CPPED1: variants seen among roughly 807,000 people sequenced by gnomAD.
The protein encoded by CPPED1 is serine/threonine-protein phosphatase CPPED1.
CPPED1 carries 28 observed loss-of-function variants against 28.0 expected under a neutral mutation model. The ratio of observed to expected loss-of-function variants is 1.00; its 90% CI spans 0.74 to 1.37. CPPED1 has a LOEUF of 1.37. Among genes scored for constraint, CPPED1 ranks in the 40% most tolerant of loss-of-function variants. The pLI is 0.00. For missense variants in CPPED1, 504 were observed against 416.5 expected, an observed-to-expected ratio of 1.21 and a Z score of -1.83; for synonymous variants, 198 against 180.2, an observed-to-expected ratio of 1.10 and a Z score of -0.79.
At chr16:12,730,340 C>A (rs763975411) in intron 2 of CPPED1, among the ~76,000 whole-genome samples, 2 of 152,008 alleles carry the variant, frequency 1.3e-5, no homozygotes, top group Non-Finnish European at 2.9e-5. Context: ...CAGCTGGCAG[C>A]GAGAAAAGTC....
At chr16:12,680,390 T>G (rs2079898606) in intron 3 of CPPED1, among the ~76,000 whole-genome samples, 1 of 152,160 alleles carries the variant, frequency 6.6e-6, no homozygotes, top group Non-Finnish European at 1.5e-5. Context: ...AAGCTTTCCC[T>G]CTGCCCCCAC....
At chr16:12,766,256 T>TATATATATATATATATATATATATAGAG in intron 2 of CPPED1, among the ~76,000 whole-genome samples, 5 of 134,284 alleles carry the variant, frequency 3.7e-5, no homozygotes, top group African/African-American at 1.7e-4. Flanking sequence ...TATATATATA[T>TATATATATATATATATATATATATAGAG]AGAGAGAGAG....
intron 2 of CPPED1, among the ~76,000 whole-genome samples, chr16:12,707,575 C>T (rs1263171800): frequency 6.6e-6 from 1 of 152,100 alleles, no homozygotes; most frequent in Non-Finnish European, 1.5e-5. Context: ...TAAGTATGGC[C>T]CCTCACATGC....
chr16:12,762,547 C>T (rs1338750784), intron 2 of CPPED1, among the ~76,000 whole-genome samples: 1 of 151,866 alleles, frequency 6.6e-6, no homozygotes, highest in African/African-American at 2.4e-5. Flanking sequence ...ATGGATAAAC[C>T]CTGAAAACAT....
chr16:12,782,423 C>A (rs1332809823), intron 1 of CPPED1, among the ~76,000 whole-genome samples: 1 of 152,122 alleles, frequency 6.6e-6, no homozygotes, highest in East Asian at 1.9e-4. Context: ...GTCTGAGGAC[C>A]CCCGATCTAC....
At chr16:12,782,904 T>C (rs1286088221) in intron 1 of CPPED1, among the ~76,000 whole-genome samples, 1 of 152,044 alleles carries the variant, frequency 6.6e-6, no homozygotes, top group Non-Finnish European at 1.5e-5. Context: ...GGACAATGCA[T>C]GTTAACTGAA....
At chr16:12,777,965 A>G (rs2080507803) in intron 2 of CPPED1, among the ~76,000 whole-genome samples, 1 of 139,604 alleles carries the variant, frequency 7.2e-6, no homozygotes, top group Admixed American at 7.8e-5. Context: ...GCTGGAATGC[A>G]GTGGTGTAGT....
intron 2 of CPPED1, among the ~76,000 whole-genome samples, chr16:12,762,050 G>A (rs996846773): frequency 1.3e-5 from 2 of 151,952 alleles, no homozygotes; most frequent in African/African-American, 4.8e-5. Flanking sequence ...AGCACCATAG[G>A]AAAGGTAAAT....
At chr16:12,761,401 G>A (rs1480996190) in intron 2 of CPPED1, among the ~76,000 whole-genome samples, 6 of 152,152 alleles carry the variant, frequency 3.9e-5, no homozygotes, top group Admixed American at 3.9e-4. Flanking sequence ...TGCTGGGCAA[G>A]TTGTTTGACC....
chr16:12,769,259 C>T (rs2080456575), intron 2 of CPPED1, among the ~76,000 whole-genome samples: 1 of 152,122 alleles, frequency 6.6e-6, no homozygotes. Flanking sequence ...ATTACTATAT[C>T]CAATAATTTA....
At chr16:12,710,835 T>C (rs917355641) in intron 2 of CPPED1, among the ~76,000 whole-genome samples, 1 of 152,028 alleles carries the variant, frequency 6.6e-6, no homozygotes, top group Non-Finnish European at 1.5e-5. Context: ...AGACAGAAAA[T>C]AACAGGTATT....
At chr16:12,667,398 T>C (rs1346802286) in intron 3 of CPPED1, among the ~76,000 whole-genome samples, 2 of 152,142 alleles carry the variant, frequency 1.3e-5, no homozygotes, top group African/African-American at 4.8e-5. Flanking sequence ...CAGGAGGTAA[T>C]GAACATTTAG....
chr16:12,791,787 G>A (rs78140212), intron 1 of CPPED1, among the ~76,000 whole-genome samples: 8,299 of 152,244 alleles, frequency 0.055, 325 homozygotes, highest in Non-Finnish European at 0.083. Flanking sequence ...GCAGGCCCAC[G>A]TTTGCATTCC....
chr16:12,775,277 T>C (rs532397940), intron 2 of CPPED1, among the ~76,000 whole-genome samples: 1 of 152,270 alleles, frequency 6.6e-6, no homozygotes, highest in Non-Finnish European at 1.5e-5. Flanking sequence ...TCAGCCTCCA[T>C]AACTGAAAGA....
intron 3 of CPPED1, among the ~76,000 whole-genome samples, chr16:12,703,116 G>T (rs2080029195): frequency 6.6e-6 from 1 of 152,132 alleles, no homozygotes; most frequent in African/African-American, 2.4e-5. Context: ...AGTCTCCATG[G>T]TGGTGCTCAT....
chr16:12,744,133 G>T (rs1044325247), intron 2 of CPPED1, among the ~76,000 whole-genome samples: 1 of 151,952 alleles, frequency 6.6e-6, no homozygotes, highest in Non-Finnish European at 1.5e-5. Flanking sequence ...AAAATTAGCC[G>T]GGCGTGGTGG....
At chr16:12,782,061 A>T (rs2080534969) in intron 1 of CPPED1, among the ~76,000 whole-genome samples, 1 of 151,204 alleles carries the variant, frequency 6.6e-6, no homozygotes, top group African/African-American at 2.4e-5. Flanking sequence ...GGGGGTGGGG[A>T]CTCTTTTATG....
intron 2 of CPPED1, among the ~76,000 whole-genome samples, chr16:12,769,612 C>A (rs1253679367): frequency 6.6e-6 from 1 of 152,270 alleles, no homozygotes; most frequent in East Asian, 1.9e-4. Flanking sequence ...TCAGCCTCAG[C>A]AGAAGGGCGG....
chr16:12,755,279 T>C lies in CPPED1; in HGVS notation c.289+25906A>G, dbSNP rs1019775804. Among the ~76,000 whole-genome samples the C allele has an allele frequency of 3.1e-5, 3 of 98,140 alleles. No individual in the cohort carries two copies. In the South Asian group the frequency reaches 1.4e-3, roughly 45 times the overall value. The allele number at this position is 98,140 out of a possible 152,430, so 64.4% of individuals were successfully genotyped here. On this transcript the variant is annotated intron_variant, in intron 2 of 3. Transcript: ENST00000381774. ...CCTTCTCACAAGCATACAGTATGCA[T>C]TCTTTTTTTTTTTTTTTTTTGAGAC...
Sources: gnomAD v4.1 joint callset for allele counts (sites outside exome capture counted in the v4.1 genomes callset) on GRCh38, gnomAD v4.1.1 for gene constraint, MANE v1.5 for transcripts, NCBI Gene and HGNC (gene_info 2026-07-23, HGNC 2026-07-21) for gene names.